Variants in HIVEP3 observed in about 807,000 individuals in gnomAD.
The protein encoded by HIVEP3 is transcription factor HIVEP3.
In HIVEP3, 49 loss-of-function variants were observed where a neutral mutation model predicts 152.8. That is an observed-to-expected ratio of 0.32 (90% confidence interval 0.26 to 0.41). The LOEUF (loss-of-function observed/expected upper bound fraction) is 0.41. Ranked by LOEUF, HIVEP3 falls within the 10% of genes least tolerant of loss-of-function variation. The pLI is 1.00. For synonymous variants in HIVEP3, 1,269 were observed against 1,289.0 expected, an observed-to-expected ratio of 0.98 and a Z score of 0.33; for missense variants, 2,790 against 3,103.3, an observed-to-expected ratio of 0.90 and a Z score of 2.40.
intron 1 of HIVEP3, among the ~76,000 whole-genome samples, chr1:41,757,925 T>A (rs1647423381): frequency 6.6e-6 from 1 of 152,092 alleles, no homozygotes; most frequent in Non-Finnish European, 1.5e-5. Flanking sequence ...TTTGTCAGGC[T>A]GGTCTTGAAC....
rs147230914 is a variant in HIVEP3, at chr1:41,667,668, G to A, written c.-721+33248C>T. Among the ~76,000 whole-genome samples the A allele has an allele frequency of 2.4e-3, 366 of 152,372 alleles. 2 individuals are homozygous for A. The highest frequency in any genetic ancestry group is 0.024 in the Middle Eastern group (7 of 294). ...TTCCACAGCTTGGATTAAGATGGAT[G>A]TGGGTGCATGTCCTGGTCCTGACAC... On this transcript the variant is annotated intron_variant, in intron 2 of 8. Coordinates refer to ENST00000372583, the MANE Select transcript of HIVEP3 (RefSeq NM_024503.5).
intron 1 of HIVEP3, among the ~76,000 whole-genome samples, chr1:41,867,588 A>G (rs1391687663): frequency 6.6e-6 from 1 of 152,164 alleles, no homozygotes; most frequent in Non-Finnish European, 1.5e-5. Flanking sequence ...CATTTCAATG[A>G]GAAAATATGC....
intron 2 of HIVEP3, among the ~76,000 whole-genome samples, chr1:41,651,227 C>T (rs1285584595): frequency 2.0e-5 from 3 of 151,888 alleles, no homozygotes; most frequent in Non-Finnish European, 4.4e-5. Context: ...CTGGCCAACA[C>T]GGTGAAGCCC....
chr1:42,025,331 T>C (rs1218763131), intron 1 of HIVEP3, among the ~76,000 whole-genome samples: 1 of 152,226 alleles, frequency 6.6e-6, no homozygotes, highest in African/African-American at 2.4e-5. Flanking sequence ...AAAATTTCAG[T>C]TTTATATTTT....
chr1:41,897,080 C>A (rs558516572), intron 1 of HIVEP3, among the ~76,000 whole-genome samples: 7 of 152,058 alleles, frequency 4.6e-5, no homozygotes, highest in Admixed American at 2.0e-4. Context: ...GTGTAGGGAC[C>A]ACCACAGTGG....
intron 5 of HIVEP3, among the ~76,000 whole-genome samples, chr1:41,544,831 T>TCACCACCTCTACCACCACCACCACCAC (rs1643657123): frequency 2.0e-4 from 2 of 10,152 alleles, no homozygotes; most frequent in Non-Finnish European, 2.0e-4. Flanking sequence ...ACCACCACCA[T>TCACCACCTCTACCACCACCACCACCAC]CACCACCACC....
rs781491931 is a variant in HIVEP3, at chr1:41,513,274, G to C, written c.5947C>G (p.Arg1983Gly). The change falls in exon 8 of 9, where the codon CGC (arginine) becomes GGC (glycine). Residue 1983 changes from arginine to glycine, a missense_variant. Arg to Gly is a moderately radical substitution (Grantham distance 125). Transcript: ENST00000372583. Reference protein sequence around the residue: ...KEAGSRPPLARKHSLTKNDSS... With the variant: ...KEAGSRPPLAGKHSLTKNDSS... ...TCGTTTTTGGTTAGCGAGTGTTTGC[G>C]GGCTAGTGGTGGACGGCTGCCTGCT... 2.5e-6 allele frequency: 4 copies of C among 1,613,450 alleles called. No homozygotes were observed. Among genetic ancestry groups the C allele is most frequent in the African/African-American group, 1.3e-5 (1 of 75,030 alleles).
intron 5 of HIVEP3, among the ~76,000 whole-genome samples, chr1:41,545,014 C>T (rs1321493306): frequency 4.7e-5 from 5 of 107,224 alleles, no homozygotes; most frequent in Non-Finnish European, 6.3e-5. Context: ...ACCACCACCA[C>T]CACTACCACC....
At chr1:42,011,646 GC>G (rs1301702054) in intron 1 of HIVEP3, among the ~76,000 whole-genome samples, 1 of 152,112 alleles carries the variant, frequency 6.6e-6, no homozygotes, top group African/African-American at 2.4e-5. Flanking sequence ...TTGCCCATTG[GC>G]CTCTATCCCT....
At chr1:41,591,415 C>T (rs1644585100) in intron 3 of HIVEP3, among the ~76,000 whole-genome samples, 1 of 152,056 alleles carries the variant, frequency 6.6e-6, no homozygotes, top group Admixed American at 6.5e-5. Flanking sequence ...GCCAAGTGGT[C>T]CTAGCAGTGG....
chr1:41,963,153 A>G (rs1645178117), intron 1 of HIVEP3, among the ~76,000 whole-genome samples: 1 of 152,156 alleles, frequency 6.6e-6, no homozygotes, highest in Non-Finnish European at 1.5e-5. Context: ...CTGGGACTAC[A>G]GGTACCTGCC....
At chr1:41,642,254 A>G (rs1282532720) in intron 2 of HIVEP3, among the ~76,000 whole-genome samples, 1 of 152,212 alleles carries the variant, frequency 6.6e-6, no homozygotes, top group Non-Finnish European at 1.5e-5. Context: ...CAAATCCTTC[A>G]GTGGTTCTCC....
At chr1:41,859,002 A>G (rs148824959) in intron 1 of HIVEP3, among the ~76,000 whole-genome samples, 2 of 152,258 alleles carry the variant, frequency 1.3e-5, no homozygotes, top group Admixed American at 6.5e-5. Context: ...GAGAGTCCTG[A>G]CCCCACTGCT....
chr1:41,644,034 G>A (rs901849096), intron 2 of HIVEP3, among the ~76,000 whole-genome samples: 11 of 151,612 alleles, frequency 7.3e-5, no homozygotes, highest in African/African-American at 2.7e-4. Context: ...CTACAGGTGC[G>A]TGCCACCACA....
At chr1:41,860,132 T>C (rs2124397028) in intron 1 of HIVEP3, among the ~76,000 whole-genome samples, 1 of 152,290 alleles carries the variant, frequency 6.6e-6, no homozygotes, top group African/African-American at 2.4e-5. Flanking sequence ...TTTCCCAAGG[T>C]GGATTTGATG....
At chr1:41,841,353 G>A (rs530333529) in intron 1 of HIVEP3, among the ~76,000 whole-genome samples, 1 of 152,300 alleles carries the variant, frequency 6.6e-6, no homozygotes, top group South Asian at 2.1e-4. Context: ...GAAACGCGGT[G>A]TTTATTAAAT....
At chr1:41,869,254 C>T (rs72963258) in intron 1 of HIVEP3, among the ~76,000 whole-genome samples, 1,833 of 152,270 alleles carry the variant, frequency 0.012, 27 homozygotes, top group African/African-American at 0.041. Context: ...CCCCCTCACA[C>T]GGAGAAATCT....
At chr1:41,807,792 G>C (rs964696984) in intron 1 of HIVEP3, among the ~76,000 whole-genome samples, 10 of 152,188 alleles carry the variant, frequency 6.6e-5, no homozygotes, top group African/African-American at 2.2e-4. Flanking sequence ...TGTGATGCTT[G>C]CCCTGGATCT....
At chr1:41,675,571 A>C (rs1645941527) in intron 2 of HIVEP3, among the ~76,000 whole-genome samples, 2 of 152,088 alleles carry the variant, frequency 1.3e-5, no homozygotes, top group Admixed American at 1.3e-4. Flanking sequence ...TGTTTTGCTC[A>C]CCATGGAATC....
Sources: allele counts gnomAD v4.1 joint callset (sites outside exome capture counted in the v4.1 genomes callset), GRCh38; gene constraint gnomAD v4.1.1; transcripts MANE v1.5; gene names NCBI Gene and HGNC (gene_info 2026-07-23, HGNC 2026-07-21).